The following CADM2 variants were observed in gnomAD, a reference collection of about 807,000 sequenced individuals.
The protein encoded by CADM2 is cell adhesion molecule 2, also known as immunoglobulin superfamily member 4D.
In CADM2, 12 loss-of-function variants were observed where a neutral mutation model predicts 49.8. The observed-to-expected ratio is 0.24, with a 90% CI of 0.15 to 0.39. The LOEUF (loss-of-function observed/expected upper bound fraction) is 0.39. Ranked by LOEUF, CADM2 falls within the 10% of genes least tolerant of loss-of-function variation. The pLI, the probability that CADM2 is intolerant of heterozygous loss-of-function variation, is 1.00. For missense variants in CADM2, 378 were observed against 492.3 expected, an observed-to-expected ratio of 0.77 and a Z score of 2.20; for synonymous variants, 214 against 175.4, an observed-to-expected ratio of 1.22 and a Z score of -1.74.
intron 1 of CADM2, among the ~76,000 whole-genome samples, chr3:85,356,839 A>G (rs185902674): frequency 9.0e-4 from 137 of 152,254 alleles, no homozygotes; most frequent in Non-Finnish European, 1.6e-3. Flanking sequence ...TAAATGCAAG[A>G]TTACTTAAAA....
chr3:85,118,607 A>T (rs1275220380), intron 1 of CADM2, among the ~76,000 whole-genome samples: 2 of 152,138 alleles, frequency 1.3e-5, no homozygotes, highest in Non-Finnish European at 2.9e-5. Context: ...ATTACCTCCC[A>T]CTGGGTGCTT....
intron 2 of CADM2, among the ~76,000 whole-genome samples, chr3:85,768,039 C>A (rs1403578486): frequency 6.6e-6 from 1 of 152,024 alleles, no homozygotes; most frequent in Non-Finnish European, 1.5e-5. Flanking sequence ...TTTTTAAGTT[C>A]TTCTTTCTTA....
At chr3:85,866,690 T>C (rs574592252) in intron 3 of CADM2, among the ~76,000 whole-genome samples, 1 of 151,972 alleles carries the variant, frequency 6.6e-6, no homozygotes, top group African/African-American at 2.4e-5. Flanking sequence ...TTGAAAAAAA[T>C]ATATATTATA....
At chr3:85,385,132 GC>G (rs977947705) in intron 1 of CADM2, among the ~76,000 whole-genome samples, 2 of 151,778 alleles carry the variant, frequency 1.3e-5, no homozygotes, top group African/African-American at 2.4e-5. Flanking sequence ...ATGGGGTTTT[GC>G]CATGTTGTCC....
intron 1 of CADM2, among the ~76,000 whole-genome samples, chr3:85,305,405 A>G (rs917752976): frequency 6.6e-6 from 1 of 151,694 alleles, no homozygotes; most frequent in East Asian, 1.9e-4. Context: ...TGATCCTGTA[A>G]TACATTTTCA....
At chr3:85,209,184 T>C (rs1456234605) in intron 1 of CADM2, among the ~76,000 whole-genome samples, 1 of 152,096 alleles carries the variant, frequency 6.6e-6, no homozygotes, top group Non-Finnish European at 1.5e-5. Flanking sequence ...TGATTTCTTA[T>C]TCTTCAAAAA....
At chr3:85,927,962 A>T (rs1160577967) in intron 6 of CADM2, among the ~76,000 whole-genome samples, 1 of 152,192 alleles carries the variant, frequency 6.6e-6, no homozygotes, top group South Asian at 2.1e-4. Context: ...TGCTTTTAAG[A>T]TTGTTCATAA....
At chr3:85,247,358 A>G (rs866090127) in intron 1 of CADM2, among the ~76,000 whole-genome samples, 8 of 152,132 alleles carry the variant, frequency 5.3e-5, no homozygotes, top group African/African-American at 1.9e-4. Flanking sequence ...TACATGAAAG[A>G]TAATCTTTTT....
intron 1 of CADM2, among the ~76,000 whole-genome samples, chr3:85,196,181 C>T (rs1399898275): frequency 6.6e-6 from 1 of 151,812 alleles, no homozygotes; most frequent in Non-Finnish European, 1.5e-5. Flanking sequence ...ACCTCCAGCT[C>T]GTCTTATGAC....
chr3:85,668,559 A>G (rs545032468), intron 1 of CADM2, among the ~76,000 whole-genome samples: 2 of 152,022 alleles, frequency 1.3e-5, no homozygotes, highest in African/African-American at 4.8e-5. Context: ...TGTTCTCATG[A>G]TAGTGAATAA....
At chr3:85,358,637 G>T (rs1021334531) in intron 1 of CADM2, among the ~76,000 whole-genome samples, 21 of 152,072 alleles carry the variant, frequency 1.4e-4, no homozygotes, top group Admixed American at 5.2e-4. Context: ...TCAAAGGAAA[G>T]AAATTGCATA....
chr3:85,744,033 C>A (rs1474912532), intron 2 of CADM2, among the ~76,000 whole-genome samples: 2 of 151,988 alleles, frequency 1.3e-5, no homozygotes, highest in African/African-American at 4.8e-5. Context: ...AGGGGGAAGA[C>A]AAACAACAAT....
chr3:85,206,321 T>G (rs1235209027), intron 1 of CADM2, among the ~76,000 whole-genome samples: 1 of 150,472 alleles, frequency 6.6e-6, no homozygotes, highest in Non-Finnish European at 1.5e-5. Context: ...CTTTTTTTTT[T>G]TTTTGAGATG....
chr3:85,884,952 T>A (rs1038431819), intron 4 of CADM2, among the ~76,000 whole-genome samples: 4 of 150,388 alleles, frequency 2.7e-5, no homozygotes, highest in South Asian at 4.3e-4. Context: ...GCCAAGATGG[T>A]CTCGATCACT....
At chr3:86,037,649 A>C (rs1010701116) in intron 8 of CADM2, among the ~76,000 whole-genome samples, 6 of 151,668 alleles carry the variant, frequency 4.0e-5, no homozygotes, top group African/African-American at 1.5e-4. Flanking sequence ...ATTATTATAA[A>C]GTTCTTAAAC....
At chr3:85,770,215 T>C (rs142166279) in intron 2 of CADM2, among the ~76,000 whole-genome samples, 18 of 152,044 alleles carry the variant, frequency 1.2e-4, no homozygotes, top group Non-Finnish European at 2.4e-4. Context: ...AAACCCCAAT[T>C]CTATGTGCTT....
intron 3 of CADM2, among the ~76,000 whole-genome samples, chr3:85,814,516 A>C (rs930053152): frequency 1.3e-5 from 2 of 152,162 alleles, no homozygotes; most frequent in Admixed American, 1.3e-4. Context: ...AAAAGAACTA[A>C]GATCAGAGCA....
At chr3:85,680,194 T>C (rs947916978) in intron 1 of CADM2, among the ~76,000 whole-genome samples, 16 of 152,044 alleles carry the variant, frequency 1.1e-4, no homozygotes, top group Non-Finnish European at 2.2e-4. Context: ...TTAGGGAAGG[T>C]GTCAATCTAG....
At chr3:85,964,273 A>G (rs759367921) in intron 8 of CADM2, among the ~76,000 whole-genome samples, 10 of 151,790 alleles carry the variant, frequency 6.6e-5, no homozygotes, top group Non-Finnish European at 1.2e-4. Flanking sequence ...ATTTTACGTT[A>G]GTGGTGATAA....
Sources: allele counts gnomAD v4.1 joint callset (sites outside exome capture counted in the v4.1 genomes callset), GRCh38; gene constraint gnomAD v4.1.1; transcripts MANE v1.5; gene names NCBI Gene and HGNC (gene_info 2026-07-23, HGNC 2026-07-21).